The following LRRC4C variants were observed in gnomAD, a reference collection of about 807,000 sequenced individuals.
The protein encoded by LRRC4C is leucine-rich repeat-containing protein 4C.
Under a neutral mutation model 33.6 loss-of-function variants are expected in LRRC4C, and 5 were observed. That is an observed-to-expected ratio of 0.15 (90% CI 0.08 to 0.31). LRRC4C has a LOEUF of 0.31. LRRC4C is among the 10% of genes least tolerant of loss of function. The pLI, the probability that LRRC4C is intolerant of heterozygous loss-of-function variation, is 1.00. For synonymous variants in LRRC4C, 329 were observed against 302.0 expected, an observed-to-expected ratio of 1.09 and a Z score of -0.93; for missense variants, 560 against 796.7, an observed-to-expected ratio of 0.70 and a Z score of 3.58.
chr11:40,568,972 A>G (rs1957870284), intron 3 of LRRC4C, among the ~76,000 whole-genome samples: 1 of 152,212 alleles, frequency 6.6e-6, no homozygotes, highest in African/African-American at 2.4e-5. Flanking sequence ...TTTACTCCAC[A>G]GCTAACCTGT....
At chr11:40,212,844 T>C (rs541618840) in intron 5 of LRRC4C, among the ~76,000 whole-genome samples, 7 of 152,100 alleles carry the variant, frequency 4.6e-5, no homozygotes, top group Non-Finnish European at 1.0e-4. Context: ...CCTTCAAACT[T>C]TGTTACCACT....
intron 3 of LRRC4C, among the ~76,000 whole-genome samples, chr11:40,416,526 G>A (rs191602588): frequency 1.6e-4 from 25 of 152,236 alleles, no homozygotes; most frequent in Admixed American, 1.2e-3. Context: ...TTCAACTTAC[G>A]TCATTCTGCA....
chr11:41,055,921 G>T (rs1165094327), intron 1 of LRRC4C, among the ~76,000 whole-genome samples: 1 of 151,998 alleles, frequency 6.6e-6, no homozygotes, highest in African/African-American at 2.4e-5. Context: ...AAAAAATAAG[G>T]TTGAAGATTT....
intron 3 of LRRC4C, among the ~76,000 whole-genome samples, chr11:40,463,328 G>A (rs1346073905): frequency 1.3e-5 from 2 of 151,366 alleles, no homozygotes; most frequent in Admixed American, 6.6e-5. Flanking sequence ...GTGTGTGTGT[G>A]TGTGTGTGTG....
At chr11:41,272,162 G>A (rs1949342151) in intron 1 of LRRC4C, among the ~76,000 whole-genome samples, 1 of 152,130 alleles carries the variant, frequency 6.6e-6, no homozygotes, top group South Asian at 2.1e-4. Context: ...TACTTTTTTA[G>A]TCAAACCCCT....
At chr11:41,344,764 C>A (rs987018396) in intron 1 of LRRC4C, among the ~76,000 whole-genome samples, 1 of 152,158 alleles carries the variant, frequency 6.6e-6, no homozygotes, top group African/African-American at 2.4e-5. Context: ...CATTGAACAG[C>A]ACTGAATAAA....
chr11:41,086,461 G>T (rs2135518344), intron 1 of LRRC4C, among the ~76,000 whole-genome samples: 1 of 152,028 alleles, frequency 6.6e-6, no homozygotes, highest in East Asian at 1.9e-4. Flanking sequence ...TTGCTATAAA[G>T]GTTTTAGAAC....
At chr11:40,761,580 C>A (rs1949213625) in intron 2 of LRRC4C, among the ~76,000 whole-genome samples, 1 of 152,064 alleles carries the variant, frequency 6.6e-6, no homozygotes, top group African/African-American at 2.4e-5. Context: ...GCAAACTGAC[C>A]AGCTTTTTCA....
At chr11:40,907,067 A>C (rs570659874) in intron 2 of LRRC4C, among the ~76,000 whole-genome samples, 1 of 152,326 alleles carries the variant, frequency 6.6e-6, no homozygotes, top group Admixed American at 6.5e-5. Flanking sequence ...TCAGTCCAGC[A>C]AATATAGAGA....
At chr11:41,415,221 C>T (rs1418437026) in intron 1 of LRRC4C, among the ~76,000 whole-genome samples, 1 of 152,120 alleles carries the variant, frequency 6.6e-6, no homozygotes, top group Non-Finnish European at 1.5e-5. Flanking sequence ...CTCTAATTCT[C>T]CTCCAGCCAC....
At chr11:41,035,976 T>G (rs549626549) in intron 1 of LRRC4C, among the ~76,000 whole-genome samples, 12 of 152,180 alleles carry the variant, frequency 7.9e-5, no homozygotes, top group Middle Eastern at 3.4e-3. Context: ...GACTCTGCAT[T>G]CTTGAAATAT....
intron 6 of LRRC4C, among the ~76,000 whole-genome samples, chr11:40,131,092 C>T (rs935192739): frequency 5.9e-5 from 9 of 152,164 alleles, no homozygotes; most frequent in African/African-American, 2.2e-4. Flanking sequence ...AAGACAGAAA[C>T]TGGTTGATAT....
rs574558247 is a variant in LRRC4C, at chr11:41,360,221, G to A, written c.-496+99210C>T. Among the ~76,000 whole-genome samples, 9 of 152,074 alleles carry A rather than the reference G, an allele frequency of 5.9e-5. No homozygotes were observed. In the South Asian group the frequency reaches 1.9e-3, roughly 32 times the overall value. ...AAACAAACAAACAGAATAAAATCAA[G>A]TTTTATCTAGGCATCTCCTCTCCAT... On this transcript the variant is annotated intron_variant, in intron 1 of 6. Transcript: ENST00000528697.
intron 5 of LRRC4C, among the ~76,000 whole-genome samples, chr11:40,164,773 A>G (rs2135382986): frequency 6.6e-6 from 1 of 152,312 alleles, no homozygotes; most frequent in East Asian, 1.9e-4. Flanking sequence ...AATACAAATA[A>G]GTGAAAAATG....
intron 1 of LRRC4C, among the ~76,000 whole-genome samples, chr11:41,173,735 C>T (rs1945077764): frequency 6.6e-6 from 1 of 152,186 alleles, no homozygotes; most frequent in Non-Finnish European, 1.5e-5. Context: ...ATCTGCCACC[C>T]CATCTGCCTG....
intron 1 of LRRC4C, among the ~76,000 whole-genome samples, chr11:41,075,586 A>G (rs1460611755): frequency 6.6e-6 from 1 of 152,188 alleles, no homozygotes; most frequent in Non-Finnish European, 1.5e-5. Context: ...GCACATTAAT[A>G]CACTATATCT....
At chr11:41,195,542 G>GAT (rs942532684) in intron 1 of LRRC4C, among the ~76,000 whole-genome samples, 1 of 151,870 alleles carries the variant, frequency 6.6e-6, no homozygotes, top group Non-Finnish European at 1.5e-5. Context: ...TCATCATGGA[G>GAT]ATATTTCCCC....
intron 1 of LRRC4C, among the ~76,000 whole-genome samples, chr11:41,019,083 T>A (rs1041319655): frequency 6.6e-6 from 1 of 152,152 alleles, no homozygotes; most frequent in African/African-American, 2.4e-5. Context: ...ATGGGATACA[T>A]GTGCAGAATG....
intron 2 of LRRC4C, among the ~76,000 whole-genome samples, chr11:40,884,708 T>C (rs1007756482): frequency 5.3e-5 from 8 of 152,112 alleles, no homozygotes; most frequent in Non-Finnish European, 1.2e-4. Flanking sequence ...AATTTGATAA[T>C]GATACTATAG....
Sources: allele counts gnomAD v4.1 joint callset (sites outside exome capture counted in the v4.1 genomes callset), GRCh38; gene constraint gnomAD v4.1.1; transcripts MANE v1.5; gene names NCBI Gene and HGNC (gene_info 2026-07-23, HGNC 2026-07-21).